MGAM2: variants seen among roughly 807,000 people sequenced by gnomAD.
MGAM2 encodes the protein maltase-glucoamylase 2 (putative).
MGAM2 carries 98 observed loss-of-function variants against 96.1 expected under a neutral mutation model. The observed-to-expected ratio is 1.02, with a 90% CI of 0.87 to 1.21. The LOEUF (loss-of-function observed/expected upper bound fraction) is 1.21, where lower values mean the gene tolerates loss of function less well. Ranked by LOEUF, MGAM2 falls within the 50% of genes most tolerant of loss-of-function variation. The probability of loss-of-function intolerance (pLI) is 0.00; values close to 1 mark genes in which losing one functional copy is unlikely to be tolerated. For missense variants in MGAM2, 2,055 were observed against 1,182.4 expected (o/e 1.74, Z -10.82); for synonymous variants, 749 against 414.8 (o/e 1.81, Z -9.79).
rs1485828504 is a variant in MGAM2, at chr7:142,147,439, T to A, written c.1517-17T>A. On this transcript the variant is annotated splice_polypyrimidine_tract_variant and intron_variant, in intron 14 of 47. Coordinates refer to ENST00000477922, the MANE Select transcript of MGAM2 (RefSeq NM_001293626.2). Reference sequence around the variant, plus strand: ...GGTTAATGAGGAAGTGCCTCACTAATGAGTATTTCCCTCCAGGAGTTCTGG... The same window carrying A: ...GGTTAATGAGGAAGTGCCTCACTAAAGAGTATTTCCCTCCAGGAGTTCTGG... 1 of 695,926 alleles carries A rather than the reference T, an allele frequency of 1.4e-6. No individual in the cohort carries two copies. Among genetic ancestry groups the A allele is most frequent in the Non-Finnish European group, 2.6e-6 (1 of 382,650 alleles). 43.1% of individuals were successfully genotyped at this position (695,926 alleles called of 1,614,324 possible).
intron 23 of MGAM2, among the ~76,000 whole-genome samples, chr7:142,162,579 G>T (rs548193248): frequency 6.6e-6 from 1 of 151,258 alleles, no homozygotes; most frequent in African/African-American, 2.4e-5. Flanking sequence ...CTTTTGAGGC[G>T]GTCTCTCTCT....
At chr7:142,216,749 C>A (rs1458187137) in intron 46 of MGAM2, among the ~76,000 whole-genome samples, 2 of 152,168 alleles carry the variant, frequency 1.3e-5, no homozygotes, top group Non-Finnish European at 2.9e-5. Context: ...ATTCTGCCTG[C>A]CCAGTAGCAA....
At chr7:142,195,342 ACT>A in intron 37 of MGAM2, among the ~76,000 whole-genome samples, 1 of 50,758 alleles carries the variant, frequency 2.0e-5, no homozygotes, top group Non-Finnish European at 4.1e-5. Flanking sequence ...CCTCCTTTTT[ACT>A]CTTTTTTTTT....
intron 45 of MGAM2, among the ~76,000 whole-genome samples, chr7:142,201,798 C>T (rs992645369): frequency 2.0e-5 from 3 of 152,026 alleles, no homozygotes; most frequent in African/African-American, 4.8e-5. Flanking sequence ...TTAAAGTACA[C>T]GGGAGGATGT....
At chr7:142,139,229 C>T (rs182865598) in intron 10 of MGAM2, among the ~76,000 whole-genome samples, 1 of 152,218 alleles carries the variant, frequency 6.6e-6, no homozygotes, top group African/African-American at 2.4e-5. Flanking sequence ...TGTTCAATGT[C>T]CACCAGTAAG....
At chr7:142,183,542 A>C (rs1229989140) in intron 33 of MGAM2, among the ~76,000 whole-genome samples, 169 bp downstream of exon 33, 1 of 152,214 alleles carries the variant, frequency 6.6e-6, no homozygotes, top group African/African-American at 2.4e-5. Context: ...CAAGGTTACA[A>C]ATCTCATCCT....
chr7:142,148,659 A>G lies in MGAM2; in HGVS notation c.1634+1086A>G, dbSNP rs1466284672. ...TAAGAGAGCAAGAAAATTTGGGGCCAGGCTTAAGATTTTAATTTGAATTTG... is the reference window on the plus strand; with the variant it reads ...TAAGAGAGCAAGAAAATTTGGGGCCGGGCTTAAGATTTTAATTTGAATTTG... On this transcript the variant is annotated intron_variant, in intron 15 of 47. Transcript: ENST00000477922. This position sits in a 1 kb window ranked among gnomAD's most constrained non-coding sequence, Gnocchi z 4.2. Among the ~76,000 whole-genome samples the G allele has an allele frequency of 2.0e-5, 3 of 152,200 alleles. No individual in the cohort carries two copies. The highest frequency in any genetic ancestry group is 4.4e-5 in the Non-Finnish European group (3 of 68,034).
chr7:142,159,123 TA>T (rs1170335406), intron 19 of MGAM2, among the ~76,000 whole-genome samples, 163 bp from the exon 20 acceptor site: 1 of 152,192 alleles, frequency 6.6e-6, no homozygotes, highest in Non-Finnish European at 1.5e-5. Flanking sequence ...CTGCTTTGGG[TA>T]AATTGCTCAA....
At chr7:142,146,815 C>T (rs1042378136) in intron 14 of MGAM2, among the ~76,000 whole-genome samples, 6 of 151,922 alleles carry the variant, frequency 3.9e-5, no homozygotes, top group African/African-American at 1.2e-4. Context: ...GCCACCTCCG[C>T]CTCCCGGGCT....
At chr7:142,173,819 A>G (rs1796280226) in intron 31 of MGAM2, among the ~76,000 whole-genome samples, 1 of 152,226 alleles carries the variant, frequency 6.6e-6, no homozygotes, top group South Asian at 2.1e-4. Flanking sequence ...GAGAGGGTAG[A>G]CATTCAAGAA....
chr7:142,147,478 T>C lies in MGAM2; in HGVS notation c.1539T>C (p.Phe513=), dbSNP rs977197211. ...FLPRVLDHLL[F]ARTLCMDTEF... ...CAGGAGTTCTGGATCACTTACTTTT[T>C]GCAAGAACTCTCTGCATGGACACGG... Residue 513 remains phenylalanine (F), a synonymous_variant, in exon 15 of 48, where the codon TTT becomes TTC. Coordinates refer to ENST00000477922, the MANE Select transcript of MGAM2 (RefSeq NM_001293626.2). 2.1e-5 allele frequency: 15 copies of C among 702,758 alleles called. No homozygotes were observed. The highest frequency in any genetic ancestry group is 2.3e-4 in the Middle Eastern group (1 of 4,368). The allele number at this position is 702,758 out of a possible 1,614,324, so 43.5% of individuals were successfully genotyped here.
At chr7:142,189,108 A>G (rs1019662657) in intron 36 of MGAM2, among the ~76,000 whole-genome samples, 7 of 152,236 alleles carry the variant, frequency 4.6e-5, no homozygotes, top group African/African-American at 1.7e-4. Context: ...CAAAAGGGCT[A>G]TGACAACACT....
At position 142,137,346 on chromosome 7, in the gene MGAM2, C is replaced by T. The variant is rs1012249797; in HGVS notation, c.848-87C>T. ...TCCCTTTCAAAATGAGACTGAGACT[C>T]TTTTAGGTGGCTCAACTATTTCTAC... On this transcript the variant is annotated intron_variant, in intron 8 of 47. Coordinates refer to ENST00000477922, the MANE Select transcript of MGAM2 (RefSeq NM_001293626.2). The T allele has an allele frequency of 8.0e-5, 45 of 562,552 alleles. No homozygotes were observed. In the East Asian group the frequency reaches 1.3e-3, roughly 16 times the overall value. The allele number at this position is 562,552 out of a possible 1,614,324, so 34.8% of individuals were successfully genotyped here.
At chr7:142,135,185 C>T (rs377097835) in intron 7 of MGAM2, among the ~76,000 whole-genome samples, 4 of 152,290 alleles carry the variant, frequency 2.6e-5, no homozygotes, top group African/African-American at 7.2e-5. Context: ...AAGCAAGTAG[C>T]ACATTAACCT....
chr7:142,171,779 A>G (rs1796203739), intron 28 of MGAM2, among the ~76,000 whole-genome samples: 1 of 150,940 alleles, frequency 6.6e-6, no homozygotes, highest in African/African-American at 2.4e-5. Context: ...TTATCTGTAC[A>G]TTTAATAAGA....
intron 45 of MGAM2, among the ~76,000 whole-genome samples, chr7:142,204,795 G>A (rs776766743): frequency 5.3e-5 from 8 of 151,832 alleles, no homozygotes; most frequent in Middle Eastern, 3.2e-3. Context: ...AAATAAATAC[G>A]TAAATAAAAT....
At chr7:142,165,967 T>C (rs1796016209) in intron 24 of MGAM2, 131 bp from the exon 25 acceptor site, 1 of 566,620 alleles carries the variant, frequency 1.8e-6, no homozygotes, top group Non-Finnish European at 3.1e-6. Context: ...AAGTTCTGAA[T>C]ATCTCATGGC....
rs770762388 is a variant in MGAM2, at chr7:142,143,840, C to T, written c.1389C>T (p.Val463=). 36 of 702,610 alleles carry T rather than the reference C, an allele frequency of 5.1e-5. No homozygotes were observed. The highest frequency in any genetic ancestry group is 4.1e-4 in the South Asian group (28 of 67,564). The allele number at this position is 702,610 out of a possible 1,614,324, so 43.5% of individuals were successfully genotyped here. A position where few individuals can be genotyped will look rare whatever the true frequency, so the allele number is the denominator to read the frequency against. The change falls in exon 13 of 48, where the codon GTC becomes GTT. Residue 463 remains valine (V), a synonymous_variant. Transcript: ENST00000477922. ...PVCTEWWTDQ[V]AKFHDHLEFD... ...GCACTGAGTGGTGGACAGATCAGGT[C>T]GCTAAATTTCATGATCATCTGGAGT...
Position 142,178,475 on chromosome 7 carries a change from TAATAATTTG to T in MGAM2, c.3816+2698_3816+2706del, listed in dbSNP as rs149468295. 4.6e-3 allele frequency among the ~76,000 whole-genome samples: 707 copies of T among 152,328 alleles called. 8 individuals carry two copies. The highest frequency in any genetic ancestry group is 0.016 in the African/African-American group (663 of 41,572). On this transcript the variant is annotated intron_variant, in intron 32 of 47. Transcript: ENST00000477922. ...TTTCCTAGATTTTCTTCTAGGATTT[TAATAATTTG>T]AAGTCTGACATTTAAGTCTTTAATC...
Sources: gnomAD v4.1 joint callset for allele counts (sites outside exome capture counted in the v4.1 genomes callset) on GRCh38, gnomAD v4.1.1 for gene constraint, Gnocchi (gnomAD v3.1) non-coding constraint, MANE v1.5 for transcripts, NCBI Gene and HGNC (gene_info 2026-07-23, HGNC 2026-07-21) for gene names.